NBPF20: variants seen among roughly 807,000 people sequenced by gnomAD.
NBPF20 encodes NBPF family member NBPF20.
Under a neutral mutation model 68.1 loss-of-function variants are expected in NBPF20, and 90 were observed. The observed-to-expected ratio is 1.32, with a 90% confidence interval of 1.11 to 1.58. The LOEUF is 1.58. Among genes scored for constraint, NBPF20 ranks in the 40% most tolerant of loss-of-function variants. NBPF20 has a pLI of 0.00. For synonymous variants in NBPF20, 290 were observed against 228.1 expected (o/e 1.27, Z -2.45); for missense variants, 816 against 601.2 (o/e 1.36, Z -3.74).
the NBPF20 span, among the ~76,000 whole-genome samples, chr1:145,416,087 C>T: frequency 6.6e-6 from 1 of 150,918 alleles, no homozygotes; most frequent in Admixed American, 6.6e-5. Flanking sequence ...GCTGAGATGG[C>T]GCCGTTGCAT....
chr1:145,398,460 C>T (rs1374702121), intron 7 of NBPF20, among the ~76,000 whole-genome samples: 1 of 152,120 alleles, frequency 6.6e-6, no homozygotes, highest in Non-Finnish European at 1.5e-5. Context: ...AACTCAACAA[C>T]CTGCTCCTGA....
chr1:145,298,341 C>G (rs1171296386), intron 129 of NBPF20, among the ~76,000 whole-genome samples: 1 of 140,674 alleles, frequency 7.1e-6, no homozygotes, highest in African/African-American at 3.0e-5. Context: ...GACACACACA[C>G]ACACACACAC....
intron 7 of NBPF20, among the ~76,000 whole-genome samples, chr1:145,395,707 T>G (rs1662201529): frequency 6.7e-6 from 1 of 148,200 alleles, no homozygotes; most frequent in African/African-American, 2.6e-5. Context: ...AATCCCTGTT[T>G]GAGGGTCTGG....
At chr1:145,403,218 G>C in exon 3 of NBPF20, 1 of 1,612,382 alleles carries the variant, frequency 6.2e-7, no homozygotes, top group Non-Finnish European at 8.5e-7. Flanking sequence ...CCCCTCACCT[G>C]AGCTCCTCAG....
chr1:145,291,743 T>A (rs1553657742), exon 138 of NBPF20: 1 of 1,611,934 alleles, frequency 6.2e-7, no homozygotes, highest in Non-Finnish European at 8.5e-7. Context: ...TTCAGGCTCT[T>A]CCACTTCCAT....
intron 7 of NBPF20, among the ~76,000 whole-genome samples, chr1:145,396,700 C>T (rs1237458511): frequency 2.0e-5 from 3 of 148,548 alleles, no homozygotes; most frequent in East Asian, 2.0e-4. Flanking sequence ...CAATATTCAA[C>T]ATTCTTTTTT....
chr1:145,314,301 G>T, intron 109 of NBPF20, among the ~76,000 whole-genome samples: 1 of 122,642 alleles, frequency 8.2e-6, no homozygotes, highest in African/African-American at 3.6e-5. Context: ...TTGTCCAGGT[G>T]ACACACTGAT....
the NBPF20 span, among the ~76,000 whole-genome samples, chr1:145,411,051 A>G: frequency 6.8e-6 from 1 of 146,530 alleles, no homozygotes; most frequent in Non-Finnish European, 1.5e-5. Flanking sequence ...TGATTTTCAT[A>G]GCTGTAGAGT....
rs1234536821 is a variant in NBPF20 at position 145,393,113 on chromosome 1, A to G, written c.1177T>C (p.Leu393=). 112 of 695,526 alleles carry G rather than the reference A, an allele frequency of 1.6e-4. 8 individuals carry two copies. The South Asian group carries it at 1.9e-3, about 12-fold the overall frequency. 43.1% of individuals were successfully genotyped at this position (695,526 alleles called of 1,614,324 possible). Reference sequence around the variant, plus strand: ...GCCAAGCCAATACGCTGTTGCTCCAATACGTAAAAGGCACTTCTGTAGGGC... The same window carrying G: ...GCCAAGCCAATACGCTGTTGCTCCAGTACGTAAAAGGCACTTCTGTAGGGC... Residue 393 remains leucine, a synonymous_variant, in exon 10 of 138, where the codon TTG becomes CTG. Coordinates refer to ENST00000369373, the Ensembl canonical transcript of NBPF20.
intron 7 of NBPF20, among the ~76,000 whole-genome samples, chr1:145,396,766 A>G (rs1662266046): frequency 6.7e-6 from 1 of 149,956 alleles, no homozygotes; most frequent in Non-Finnish European, 1.5e-5. Context: ...ATATATATAT[A>G]TATATACAGA....
At chr1:145,291,689 A>G (rs1558960437) in exon 138 of NBPF20, 1 of 1,611,972 alleles carries the variant, frequency 6.2e-7, no homozygotes, top group South Asian at 1.1e-5. Flanking sequence ...TTCAAAGTAC[A>G]TTGACGGAGT....
chr1:145,292,159 T>G (rs1661156306), intron 137 of NBPF20, among the ~76,000 whole-genome samples: 1 of 149,738 alleles, frequency 6.7e-6, no homozygotes, highest in Non-Finnish European at 1.5e-5. Context: ...GCCATGAGAG[T>G]ACAGCTTTTG....
At chr1:145,366,666 A>C (rs1661704859) in intron 43 of NBPF20, among the ~76,000 whole-genome samples, 1 of 42,112 alleles carries the variant, frequency 2.4e-5, no homozygotes, top group Non-Finnish European at 4.1e-5. Context: ...GTAACAGGAC[A>C]CTCTGAGTTA....
At chr1:145,407,296 A>T (rs1363646025), upstream of NBPF20, among the ~76,000 whole-genome samples, 7 of 145,514 alleles carry the variant, frequency 4.8e-5, no homozygotes, top group African/African-American at 1.8e-4. Flanking sequence ...GGGCTGGGGG[A>T]GGGATAGCAT....
At chr1:145,291,813 G>C (rs115160688) in intron 137 of NBPF20, 44 bp from the exon 143 acceptor site, 9 of 1,611,606 alleles carry the variant, frequency 5.6e-6, no homozygotes, top group Non-Finnish European at 7.6e-6. Context: ...GGGAAAATCA[G>C]AAACCACAGA....
the NBPF20 span, among the ~76,000 whole-genome samples, chr1:145,412,512 A>G: frequency 6.6e-6 from 1 of 152,110 alleles, no homozygotes; most frequent in African/African-American, 2.4e-5. Context: ...ATATTTTGCA[A>G]TAAAACCTTA....
chr1:145,405,236 C>T (rs782698041), exon 2 of NBPF20: 2 of 1,610,528 alleles, frequency 1.2e-6, no homozygotes, highest in Non-Finnish European at 1.7e-6. Flanking sequence ...TTCATCTCTG[C>T]CTTCTCGCTG....
chr1:145,405,211 T>G, exon 2 of NBPF20: 1 of 1,611,582 alleles, frequency 6.2e-7, no homozygotes. Flanking sequence ...CAATTTCTCG[T>G]TGATTTCTAG....
chr1:145,291,373 G>A (rs587653950), exon 138 of NBPF20: 19,598 of 1,540,486 alleles, frequency 0.013, 157 homozygotes, highest in Non-Finnish European at 0.015. Context: ...AGCACAGGTT[G>A]CCACTGGCAT....
Sources: gnomAD v4.1 joint callset for allele counts (sites outside exome capture counted in the v4.1 genomes callset) on GRCh38, gnomAD v4.1.1 for gene constraint, MANE v1.5 for transcripts, NCBI Gene and HGNC (gene_info 2026-07-23, HGNC 2026-07-21) for gene names.